NPAS3: variants seen among roughly 807,000 people sequenced by gnomAD.
The protein encoded by NPAS3 is neuronal PAS domain protein 3, also known as neuronal PAS domain-containing protein 3.
NPAS3 carries 14 observed loss-of-function variants against 73.1 expected under a neutral mutation model. The observed-to-expected ratio is 0.19, with a 90% CI of 0.13 to 0.30. The LOEUF is 0.30. Ranked by LOEUF, NPAS3 falls within the 10% of genes least tolerant of loss-of-function variation. NPAS3 has a pLI of 1.00. For synonymous variants in NPAS3, 620 were observed against 541.5 expected, an observed-to-expected ratio of 1.14 and a Z score of -2.01; for missense variants, 1,096 against 1,250.0, an observed-to-expected ratio of 0.88 and a Z score of 1.86.
chr14:33,493,507 G>GTAT (rs1438312996), intron 4 of NPAS3, among the ~76,000 whole-genome samples: 9 of 152,168 alleles, frequency 5.9e-5, no homozygotes, highest in African/African-American at 2.2e-4. Context: ...CTTCCTGTGT[G>GTAT]TGTTTGTGTA....
chr14:33,338,633 C>G (rs954472133), intron 3 of NPAS3, among the ~76,000 whole-genome samples: 3 of 152,088 alleles, frequency 2.0e-5, no homozygotes, highest in Admixed American at 1.3e-4. Flanking sequence ...TTTTTTCTAT[C>G]TGCGTAGTAA....
At chr14:33,120,353 A>G (rs1566580740) in intron 2 of NPAS3, among the ~76,000 whole-genome samples, 3 of 152,114 alleles carry the variant, frequency 2.0e-5, no homozygotes, top group African/African-American at 4.8e-5. Context: ...AATGACAGCT[A>G]TTGCCAACTT....
At chr14:33,422,590 C>T (rs958103064) in intron 4 of NPAS3, among the ~76,000 whole-genome samples, 2 of 151,854 alleles carry the variant, frequency 1.3e-5, no homozygotes, top group Non-Finnish European at 1.5e-5. Flanking sequence ...TGTACCTTCT[C>T]CTACTAAAAT....
intron 2 of NPAS3, among the ~76,000 whole-genome samples, chr14:33,140,369 A>C (rs1355396855): frequency 6.6e-6 from 1 of 151,900 alleles, no homozygotes; most frequent in Admixed American, 6.6e-5. Flanking sequence ...AAGAACACAG[A>C]AAAAAACAGT....
intron 2 of NPAS3, among the ~76,000 whole-genome samples, chr14:33,079,609 C>CTTTTTTT (rs34920021): frequency 1.8e-5 from 1 of 56,046 alleles, no homozygotes; most frequent in Non-Finnish European, 3.0e-5. Flanking sequence ...TGAGCCAGGC[C>CTTTTTTT]TTTTTTTTTT....
chr14:33,664,873 G>A (rs1483870294), intron 5 of NPAS3, among the ~76,000 whole-genome samples: 10 of 152,212 alleles, frequency 6.6e-5, no homozygotes. Context: ...ATCCTAGAGA[G>A]GATGTGGAGA....
intron 4 of NPAS3, among the ~76,000 whole-genome samples, chr14:33,423,465 A>G (rs1449749514): frequency 1.3e-5 from 2 of 151,998 alleles, no homozygotes; most frequent in East Asian, 1.9e-4. Context: ...CAGGAAATGC[A>G]TGCTTTTATT....
At chr14:33,708,854 T>C (rs577660339) in intron 6 of NPAS3, among the ~76,000 whole-genome samples, 2 of 152,228 alleles carry the variant, frequency 1.3e-5, no homozygotes, top group South Asian at 4.1e-4. Flanking sequence ...GTCCTGAGTG[T>C]GTGTGGGTCT....
chr14:33,160,871 A>T (rs1252340996), intron 2 of NPAS3, among the ~76,000 whole-genome samples: 1 of 152,178 alleles, frequency 6.6e-6, no homozygotes, highest in Non-Finnish European at 1.5e-5. Flanking sequence ...TCATTTCCAA[A>T]TGAAAAACTC....
chr14:33,796,598 C>T (rs1189268187), intron 10 of NPAS3, among the ~76,000 whole-genome samples: 1 of 152,086 alleles, frequency 6.6e-6, no homozygotes, highest in Non-Finnish European at 1.5e-5. Flanking sequence ...GAGGCATTTC[C>T]CATTTTGAAG....
intron 4 of NPAS3, among the ~76,000 whole-genome samples, chr14:33,449,354 A>T (rs75441570): frequency 0.014 from 2,155 of 152,174 alleles, 28 homozygotes; most frequent in Middle Eastern, 0.061. Context: ...TTATAAGTAA[A>T]TTTTTTTGGC....
intron 4 of NPAS3, among the ~76,000 whole-genome samples, chr14:33,425,198 G>A (rs1416761055): frequency 6.6e-6 from 1 of 152,056 alleles, no homozygotes; most frequent in African/African-American, 2.4e-5. Flanking sequence ...TTGGTGGAAT[G>A]AAAAGTATGC....
At chr14:33,474,618 T>TAG (rs1039329031) in intron 4 of NPAS3, among the ~76,000 whole-genome samples, 5 of 151,580 alleles carry the variant, frequency 3.3e-5, no homozygotes, top group African/African-American at 7.3e-5. Flanking sequence ...AAGTTACTTG[T>TAG]AGAGAGAGAG....
intron 3 of NPAS3, among the ~76,000 whole-genome samples, chr14:33,353,992 T>C (rs997663068): frequency 7.2e-5 from 11 of 152,194 alleles, no homozygotes; most frequent in Non-Finnish European, 1.3e-4. Flanking sequence ...CACACCATGG[T>C]ACATTAAGTT....
At chr14:33,147,548 A>T (rs1595549216) in intron 2 of NPAS3, among the ~76,000 whole-genome samples, 2 of 150,536 alleles carry the variant, frequency 1.3e-5, no homozygotes, top group Non-Finnish European at 3.0e-5. Context: ...GCACTTGGAC[A>T]CAGGAAGGGG....
At position 33,005,121 on chromosome 14, in the gene NPAS3, A is replaced by G. The variant is rs532773625; in HGVS notation, c.51-50784A>G. Reference sequence around the variant, plus strand: ...AATTATGAGAAATATAGTATAAGAAATGCCTAAACCAGTAACTTAGTCATT... The same window carrying G: ...AATTATGAGAAATATAGTATAAGAAGTGCCTAAACCAGTAACTTAGTCATT... On this transcript the variant is annotated intron_variant, in intron 1 of 11. Coordinates refer to ENST00000356141, the Ensembl canonical transcript of NPAS3. 2.6e-5 allele frequency among the ~76,000 whole-genome samples: 4 copies of G among 152,134 alleles called. No individual in the cohort carries two copies. The South Asian group carries it at 8.3e-4, about 32-fold the overall frequency.
chr14:33,589,064 T>C (rs2056968880), intron 5 of NPAS3, among the ~76,000 whole-genome samples: 1 of 152,212 alleles, frequency 6.6e-6, no homozygotes, highest in Non-Finnish European at 1.5e-5. Context: ...TAAAGAAATA[T>C]ACTCTACGTT....
At chr14:33,548,448 A>T (rs2054949389) in intron 4 of NPAS3, among the ~76,000 whole-genome samples, 1 of 152,210 alleles carries the variant, frequency 6.6e-6, no homozygotes, top group South Asian at 2.1e-4. Context: ...TGGATTATCA[A>T]TATGACCAAC....
At chr14:33,344,920 T>G (rs2044658625) in intron 3 of NPAS3, among the ~76,000 whole-genome samples, 1 of 152,140 alleles carries the variant, frequency 6.6e-6, no homozygotes, top group Admixed American at 6.5e-5. Context: ...GAGTCAAATG[T>G]CACCCTGCCT....
Sources: allele counts gnomAD v4.1 joint callset (sites outside exome capture counted in the v4.1 genomes callset), GRCh38; gene constraint gnomAD v4.1.1; transcripts MANE v1.5; gene names NCBI Gene and HGNC (gene_info 2026-07-23, HGNC 2026-07-21).